CIB4: variants seen among roughly 807,000 people sequenced by gnomAD.
The protein encoded by CIB4 is calcium and integrin-binding family member 4.
CIB4 carries 25 observed loss-of-function variants against 25.8 expected under a neutral mutation model. The ratio of observed to expected loss-of-function variants is 0.97; its 90% confidence interval spans 0.71 to 1.35. The LOEUF (loss-of-function observed/expected upper bound fraction) is 1.35, where lower values mean the gene tolerates loss of function less well. Ranked by LOEUF, CIB4 falls within the 40% of genes most tolerant of loss-of-function variation. The probability of loss-of-function intolerance (pLI) is 0.00; values close to 1 mark genes in which losing one functional copy is unlikely to be tolerated. For missense variants in CIB4, 235 were observed against 228.2 expected, an observed-to-expected ratio of 1.03 and a Z score of -0.19; for synonymous variants, 75 against 81.4, an observed-to-expected ratio of 0.92 and a Z score of 0.42.
chr2:26,597,474 G>A (rs1435601512), intron 3 of CIB4, among the ~76,000 whole-genome samples: 4 of 150,420 alleles, frequency 2.7e-5, no homozygotes, highest in Non-Finnish European at 4.4e-5. Flanking sequence ...AATGGCTCTA[G>A]CTCAATCTTA....
intron 3 of CIB4, among the ~76,000 whole-genome samples, chr2:26,596,018 C>T (rs1668676831): frequency 6.6e-6 from 1 of 152,100 alleles, no homozygotes; most frequent in Non-Finnish European, 1.5e-5. Flanking sequence ...CATGTGAGCA[C>T]GTTGGAAGAT....
At chr2:26,606,341 G>A (rs1177964577) in intron 3 of CIB4, among the ~76,000 whole-genome samples, 2 of 152,180 alleles carry the variant, frequency 1.3e-5, no homozygotes, top group East Asian at 3.9e-4. Flanking sequence ...CTGGGAGGCA[G>A]GACGGACAAA....
chr2:26,619,063 G>T (rs569791322), intron 3 of CIB4, among the ~76,000 whole-genome samples: 1 of 152,160 alleles, frequency 6.6e-6, no homozygotes, highest in Non-Finnish European at 1.5e-5. Flanking sequence ...GACCGAACTC[G>T]GTGCACAACC....
intron 2 of CIB4, among the ~76,000 whole-genome samples, chr2:26,633,077 C>T (rs888809153): frequency 2.3e-4 from 35 of 152,134 alleles, no homozygotes; most frequent in African/African-American, 8.4e-4. Flanking sequence ...ACCATTGTTT[C>T]TTTTACAGAT....
chr2:26,583,922 C>G, intron 4 of CIB4, 24 bp from the exon 5 acceptor site: 3 of 1,461,136 alleles, frequency 2.1e-6, no homozygotes, highest in Non-Finnish European at 1.9e-6. Flanking sequence ...GCCAGGCCTG[C>G]ATTAGACGGA....
chr2:26,581,422 G>T, intron 6 of CIB4, 29 bp from the exon 7 acceptor site: 1 of 1,612,992 alleles, frequency 6.2e-7, no homozygotes, highest in Non-Finnish European at 8.5e-7. Flanking sequence ...TGAGCCATGT[G>T]AGCCCGCAGG....
chr2:26,597,695 A>G (rs1382472046), intron 3 of CIB4, among the ~76,000 whole-genome samples: 1 of 152,174 alleles, frequency 6.6e-6, no homozygotes. Context: ...ATAGTAGTAA[A>G]TGTATACAGT....
At chr2:26,582,630 C>A (rs1472853098) in intron 6 of CIB4, among the ~76,000 whole-genome samples, 195 bp downstream of exon 6, 1 of 152,184 alleles carries the variant, frequency 6.6e-6, no homozygotes, top group Non-Finnish European at 1.5e-5. Context: ...CTCTCCTCTG[C>A]CTTTTAATAC....
chr2:26,593,214 A>G (rs192176820), intron 4 of CIB4, among the ~76,000 whole-genome samples: 37 of 152,272 alleles, frequency 2.4e-4, no homozygotes, highest in African/African-American at 8.9e-4. Context: ...CAGCTTGCAG[A>G]CAGCAGATGA....
intron 4 of CIB4, among the ~76,000 whole-genome samples, chr2:26,587,385 G>A (rs1197751690): frequency 1.4e-5 from 2 of 141,842 alleles, no homozygotes; most frequent in Non-Finnish European, 3.0e-5. Context: ...TAAATATATA[G>A]CTTTCAGCAA....
rs1165155834 is a variant in CIB4, at chr2:26,601,231, AATATATATAT to A, written c.187-5924_187-5915del. Among the ~76,000 whole-genome samples, 163 of 17,220 alleles carry A rather than the reference AATATATATAT, an allele frequency of 9.5e-3. 6 individuals are homozygous for A. Among genetic ancestry groups the A allele is most frequent in the South Asian group, 0.023 (15 of 644 alleles). 11.3% of individuals were successfully genotyped at this position (17,220 alleles called of 152,430 possible). ...TGAGACCATGTCAAAAAAAAAAAAA[AATATATATAT>A]ATATATATATATATATATATATATA... is the stretch of plus-strand genomic sequence containing the variant. On this transcript the variant is annotated intron_variant, in intron 3 of 6. Transcript: ENST00000288861.
chr2:26,625,632 G>A (rs950843385), intron 3 of CIB4, among the ~76,000 whole-genome samples: 5 of 152,302 alleles, frequency 3.3e-5, no homozygotes, highest in South Asian at 2.1e-4. Flanking sequence ...GATTACAGGC[G>A]TGAGCCACTG....
intron 4 of CIB4, among the ~76,000 whole-genome samples, chr2:26,589,060 C>CTCT (rs367591422): frequency 5.5e-5 from 2 of 36,466 alleles, no homozygotes; most frequent in African/African-American, 1.2e-4. Context: ...CTTCTTCTTC[C>CTCT]TCTTCCTCTT....
chr2:26,582,682 C>T (rs1482920514), intron 6 of CIB4, 143 bp downstream of exon 6: 4 of 538,376 alleles, frequency 7.4e-6, no homozygotes, highest in Non-Finnish European at 1.3e-5. Flanking sequence ...GTTTTGCTGA[C>T]TCTGAAAGAA....
At chr2:26,611,412 C>A (rs1012609470) in intron 3 of CIB4, among the ~76,000 whole-genome samples, 1 of 152,220 alleles carries the variant, frequency 6.6e-6, no homozygotes, top group Admixed American at 6.5e-5. Context: ...AGAGGGAGGT[C>A]TCTAGTGATG....
chr2:26,598,283 G>C (rs1438696073), intron 3 of CIB4, among the ~76,000 whole-genome samples: 3 of 151,344 alleles, frequency 2.0e-5, no homozygotes, highest in African/African-American at 7.3e-5. Flanking sequence ...CTGGGTGACA[G>C]AGGGAGACTC....
At chr2:26,584,436 G>A (rs1668411871) in intron 4 of CIB4, among the ~76,000 whole-genome samples, 1 of 152,226 alleles carries the variant, frequency 6.6e-6, no homozygotes, top group Admixed American at 6.5e-5. Flanking sequence ...CTGTCCCGAT[G>A]TGGTAGCTCT....
chr2:26,604,604 C>CT (rs35435991), intron 3 of CIB4, among the ~76,000 whole-genome samples: 1 of 152,080 alleles, frequency 6.6e-6, no homozygotes, highest in Non-Finnish European at 1.5e-5. Context: ...ACAAAATACT[C>CT]TTTTTTTCCC....
intron 4 of CIB4, among the ~76,000 whole-genome samples, chr2:26,587,812 C>A (rs1240925043): frequency 6.6e-6 from 1 of 152,178 alleles, no homozygotes; most frequent in African/African-American, 2.4e-5. Flanking sequence ...GCTTTATAAA[C>A]CCACCTTGAA....
Sources: gnomAD v4.1 joint callset for allele counts (sites outside exome capture counted in the v4.1 genomes callset) on GRCh38, gnomAD v4.1.1 for gene constraint, MANE v1.5 for transcripts, NCBI Gene and HGNC (gene_info 2026-07-23, HGNC 2026-07-21) for gene names.